The following PILRA variants were observed in gnomAD, a reference collection of about 807,000 sequenced individuals.
The protein encoded by PILRA is paired immunoglobulin-like type 2 receptor alpha.
In PILRA, 37 loss-of-function variants were observed where a neutral mutation model predicts 33.1. That is an observed-to-expected ratio of 1.12 (90% CI 0.86 to 1.47). The LOEUF (loss-of-function observed/expected upper bound fraction) is 1.47, where lower values mean the gene tolerates loss of function less well. Ranked by LOEUF, PILRA falls within the 40% of genes most tolerant of loss-of-function variation. PILRA has a pLI of 0.00. For missense variants in PILRA, 312 were observed against 376.2 expected (o/e 0.83, Z 1.41); for synonymous variants, 146 against 149.9 (o/e 0.97, Z 0.19).
At chr7:100,399,698 C>G in intron 6 of PILRA, 86 bp downstream of exon 6, 1 of 1,609,994 alleles carries the variant, frequency 6.2e-7, no homozygotes, top group East Asian at 2.2e-5. Context: ...GTGGTGTGGG[C>G]AGGAGAGTCA....
At chr7:100,391,345 C>T (rs546026200) in intron 3 of PILRA, among the ~76,000 whole-genome samples, 26 of 151,460 alleles carry the variant, frequency 1.7e-4, no homozygotes, top group Non-Finnish European at 3.5e-4. Flanking sequence ...ACGGAGCAAA[C>T]TATCTCCAAC....
chr7:100,383,981 A>G (rs1456187996), intron 2 of PILRA, among the ~76,000 whole-genome samples: 9 of 152,140 alleles, frequency 5.9e-5, no homozygotes, highest in Admixed American at 5.9e-4. Flanking sequence ...GGTATGGAGG[A>G]AAAAATTATA....
At chr7:100,377,231 CTTTTTTTTTT>C (rs761225046) in intron 2 of PILRA, among the ~76,000 whole-genome samples, 6 of 100,940 alleles carry the variant, frequency 5.9e-5, no homozygotes, top group East Asian at 2.8e-4. Flanking sequence ...TTTTCTATTT[CTTTTTTTTTT>C]TTTTTTTTTT....
intron 3 of PILRA, among the ~76,000 whole-genome samples, chr7:100,391,721 T>C (rs1295883684): frequency 2.6e-5 from 4 of 152,154 alleles, no homozygotes; most frequent in Non-Finnish European, 5.9e-5. Context: ...GTTAGATTGA[T>C]GTAGGGGCGA....
intron 3 of PILRA, among the ~76,000 whole-genome samples, chr7:100,394,879 G>A (rs1033426620): frequency 1.3e-5 from 2 of 152,040 alleles, no homozygotes; most frequent in African/African-American, 4.8e-5. Context: ...CAAACCATAG[G>A]GAAAAAGCCT....
intron 2 of PILRA, among the ~76,000 whole-genome samples, chr7:100,375,242 GC>G (rs1371116772): frequency 6.6e-6 from 1 of 152,178 alleles, no homozygotes; most frequent in Non-Finnish European, 1.5e-5. Flanking sequence ...AAGAGCAGCA[GC>G]CCCCATTCAT....
At chr7:100,381,329 C>T (rs1016145718) in intron 2 of PILRA, among the ~76,000 whole-genome samples, 5 of 151,642 alleles carry the variant, frequency 3.3e-5, no homozygotes, top group Non-Finnish European at 7.4e-5. Flanking sequence ...GCCTGTAGTT[C>T]CAGCTACTCA....
At chr7:100,396,489 C>T (rs1791495152) in intron 3 of PILRA, among the ~76,000 whole-genome samples, 3 of 152,022 alleles carry the variant, frequency 2.0e-5, no homozygotes, top group Admixed American at 1.3e-4. Context: ...CCTGTCTCTA[C>T]TAAAAATACA....
At chr7:100,391,196 T>A (rs549011103) in intron 3 of PILRA, among the ~76,000 whole-genome samples, 162 of 145,224 alleles carry the variant, frequency 1.1e-3, no homozygotes, top group African/African-American at 1.7e-3. Flanking sequence ...TTATTATTAT[T>A]ATTATTATTA....
At chr7:100,379,387 G>C (rs185462271) in intron 2 of PILRA, among the ~76,000 whole-genome samples, 131 of 152,052 alleles carry the variant, frequency 8.6e-4, no homozygotes, top group African/African-American at 2.9e-3. Flanking sequence ...TCAAAAAAAG[G>C]CCAGGTTTGG....
At chr7:100,396,016 C>T (rs1267949319) in intron 3 of PILRA, among the ~76,000 whole-genome samples, 1 of 152,044 alleles carries the variant, frequency 6.6e-6, no homozygotes, top group African/African-American at 2.4e-5. Context: ...CCCAGCTACT[C>T]AGGAGGCTGA....
chr7:100,379,729 C>T (rs1278267449), intron 2 of PILRA, among the ~76,000 whole-genome samples: 1 of 150,246 alleles, frequency 6.7e-6, no homozygotes, highest in Non-Finnish European at 1.5e-5. Context: ...GGGTTATATG[C>T]ATGTTTACCA....
chr7:100,383,158 T>TA (rs1791156818), intron 2 of PILRA, among the ~76,000 whole-genome samples: 2 of 151,948 alleles, frequency 1.3e-5, no homozygotes, highest in African/African-American at 4.8e-5. Context: ...GGGGAGACCT[T>TA]AGAGTGAGGC....
intron 2 of PILRA, among the ~76,000 whole-genome samples, chr7:100,385,276 T>C (rs1407112158): frequency 2.0e-5 from 3 of 152,132 alleles, no homozygotes; most frequent in Non-Finnish European, 4.4e-5. Context: ...TGTGTGAAAT[T>C]TGTTGGGTCT....
At chr7:100,389,516 T>C (rs1791329517) in intron 2 of PILRA, among the ~76,000 whole-genome samples, 1 of 151,862 alleles carries the variant, frequency 6.6e-6, no homozygotes, top group African/African-American at 2.4e-5. Context: ...ATAACTGGTA[T>C]AGAATCGGAT....
At chr7:100,391,393 T>C (rs1476436252) in intron 3 of PILRA, among the ~76,000 whole-genome samples, 1 of 151,962 alleles carries the variant, frequency 6.6e-6, no homozygotes, top group Admixed American at 6.6e-5. Context: ...TTTTTATAAA[T>C]GACACTTGGT....
Position 100,389,914 on chromosome 7 carries a change from A to G in PILRA, c.481A>G (p.Ser161Gly). ...TGTCACGACCACCACCCAGAGGCCCAGCAGCATGACTACCACCTGGAGGCT... is the reference window on the plus strand; with the variant it reads ...TGTCACGACCACCACCCAGAGGCCCGGCAGCATGACTACCACCTGGAGGCT... ...QAVTTTTQRP[S>G]SMTTTWRLSS... Residue 161 changes from serine (S) to glycine (G), a missense_variant, in exon 3 of 7, where the codon AGC becomes GGC. Transcript: ENST00000198536. 6.2e-7 allele frequency: 1 copy of G among 1,613,818 alleles called. No homozygotes were observed. Among genetic ancestry groups the G allele is most frequent in the Non-Finnish European group, 8.5e-7 (1 of 1,179,952 alleles).
intron 3 of PILRA, among the ~76,000 whole-genome samples, chr7:100,394,687 T>A (rs1791459572): frequency 6.6e-6 from 1 of 151,852 alleles, no homozygotes; most frequent in Admixed American, 6.6e-5. Context: ...AATAAACCCT[T>A]GCGCATATGG....
At chr7:100,379,599 C>T (rs1381138821) in intron 2 of PILRA, among the ~76,000 whole-genome samples, 7 of 143,756 alleles carry the variant, frequency 4.9e-5, no homozygotes, top group East Asian at 4.0e-4. Flanking sequence ...ACCTGGGAGA[C>T]GGAAGTTGCA....
Sources: gnomAD v4.1 joint callset for allele counts (sites outside exome capture counted in the v4.1 genomes callset) on GRCh38, gnomAD v4.1.1 for gene constraint, MANE v1.5 for transcripts, NCBI Gene and HGNC (gene_info 2026-07-23, HGNC 2026-07-21) for gene names.